The following RFX1 variants were observed in gnomAD, a reference collection of about 807,000 sequenced individuals.
The protein encoded by RFX1 is regulatory factor X1.
RFX1 carries 42 observed loss-of-function variants against 119.6 expected under a neutral mutation model. The observed-to-expected ratio is 0.35, with a 90% CI of 0.27 to 0.45. The LOEUF (loss-of-function observed/expected upper bound fraction) is 0.45. RFX1 is among the 20% of genes least tolerant of loss of function. The pLI, the probability that RFX1 is intolerant of heterozygous loss-of-function variation, is 1.00. For synonymous variants in RFX1, 628 were observed against 618.5 expected, an observed-to-expected ratio of 1.02 and a Z score of -0.23; for missense variants, 1,118 against 1,368.1, an observed-to-expected ratio of 0.82 and a Z score of 2.88.
chr19:13,977,962 T>A, intron 8 of RFX1, 30 bp downstream of exon 8: 1 of 1,552,166 alleles, frequency 6.4e-7, no homozygotes. Context: ...CAGACCTGAC[T>A]CCCTCACCCA....
In RFX1 at chr19:13,962,613, A is replaced by C; in HGVS notation, c.*82T>G. On this transcript the variant is annotated 3_prime_UTR_variant, in exon 21 of 21. Coordinates refer to ENST00000254325, the MANE Select transcript of RFX1 (RefSeq NM_002918.5). ...TCCCTGCCCTGGCTGAGGCTGGAGCAGTGACCACGAAGCCACAGAAGCTTT... is the reference window on the plus strand; with the variant it reads ...TCCCTGCCCTGGCTGAGGCTGGAGCCGTGACCACGAAGCCACAGAAGCTTT... 2.6e-6 allele frequency: 3 copies of C among 1,151,906 alleles called. No individual in the cohort carries two copies. Among genetic ancestry groups the C allele is most frequent in the Non-Finnish European group, 3.5e-6 (3 of 860,780 alleles). 71.4% of individuals were successfully genotyped at this position (1,151,906 alleles called of 1,614,324 possible).
chr19:13,977,769 A>T (rs1974293400), intron 8 of RFX1, among the ~76,000 whole-genome samples: 1 of 151,532 alleles, frequency 6.6e-6, no homozygotes, highest in Non-Finnish European at 1.5e-5. Flanking sequence ...CCAAGCCCTA[A>T]GCTATGCCGG....
intron 8 of RFX1, among the ~76,000 whole-genome samples, chr19:13,973,968 C>G (rs1345430859): frequency 6.6e-6 from 1 of 151,474 alleles, no homozygotes; most frequent in East Asian, 1.9e-4. Flanking sequence ...AAAAAAATAC[C>G]GAAGGGTTAG....
At position 13,986,300 on chromosome 19, in the gene RFX1, GGGGA is replaced by G. The variant is rs758132996; in HGVS notation, c.320-2709_320-2706del. Among the ~76,000 whole-genome samples the G allele has an allele frequency of 2.6e-5, 4 of 152,174 alleles. No individual in the cohort carries two copies. Among genetic ancestry groups the G allele is most frequent in the Non-Finnish European group, 4.4e-5 (3 of 68,004 alleles). On this transcript the variant is annotated intron_variant, in intron 2 of 20. Transcript: ENST00000254325. This position sits in a 1 kb window ranked among gnomAD's most constrained non-coding sequence, Gnocchi z 4.2. ...CAGGACCTACAGCAGGAGGAGGCCT[GGGGA>G]CCTGCTGAGACCAGGTGGCTGTCTC...
chr19:13,971,431 A>C (rs1030648796), intron 9 of RFX1, among the ~76,000 whole-genome samples: 2 of 151,942 alleles, frequency 1.3e-5, no homozygotes. Context: ...CCCACCCCAC[A>C]ATCACACAAA....
In RFX1 at chr19:13,961,651, G is replaced by T. The variant is rs1265271329; in HGVS notation, c.*1044C>A. On this transcript the variant is annotated 3_prime_UTR_variant, in exon 21 of 21. Coordinates refer to ENST00000254325, the MANE Select transcript of RFX1 (RefSeq NM_002918.5). ...TCACCACCGGGAGAGGGAGCCCCGT[G>T]GGCACGGGGACTGGGCAGGGCCGCC... 6.5e-6 allele frequency: 1 copy of T among 152,918 alleles called. No individual in the cohort carries two copies. Among genetic ancestry groups the T allele is most frequent in the Non-Finnish European group, 1.5e-5 (1 of 68,564 alleles). The allele number at this position is 152,918 out of a possible 1,614,324, so 9.5% of individuals were successfully genotyped here.
At position 13,962,345 on chromosome 19, in the gene RFX1, G is replaced by C. The variant is rs1257810525; in HGVS notation, c.*350C>G. On this transcript the variant is annotated 3_prime_UTR_variant, in exon 21 of 21. Transcript: ENST00000254325. Reference sequence around the variant, plus strand: ...ATAAGTTAACAGTTTCGCACGGGAGGGGGCCTGCCTGCCTGCCCCCTGGGG... The same window carrying C: ...ATAAGTTAACAGTTTCGCACGGGAGCGGGCCTGCCTGCCTGCCCCCTGGGG... 5 of 334,844 alleles carry C rather than the reference G, an allele frequency of 1.5e-5. No homozygotes were observed. The highest frequency in any genetic ancestry group is 2.8e-5 in the Non-Finnish European group (5 of 181,352). 20.7% of individuals were successfully genotyped at this position (334,844 alleles called of 1,614,324 possible).
chr19:13,974,405 C>G (rs1345227378), intron 8 of RFX1, among the ~76,000 whole-genome samples: 1 of 152,060 alleles, frequency 6.6e-6, no homozygotes, highest in East Asian at 1.9e-4. Flanking sequence ...CAAATCGTCA[C>G]AAGTATACAA....
At chr19:13,972,195 AACATT>A (rs1974105276) in intron 9 of RFX1, among the ~76,000 whole-genome samples, 1 of 146,988 alleles carries the variant, frequency 6.8e-6, no homozygotes, top group African/African-American at 2.7e-5. Flanking sequence ...AAAAGTAGAC[AACATT>A]TTTTTTTTTT....
At position 13,980,785 on chromosome 19, in the gene RFX1, G is replaced by C. The variant is rs556803806; in HGVS notation, c.622-96C>G. The C allele has an allele frequency of 1.2e-5, 5 of 428,178 alleles. No homozygotes were observed. The East Asian group carries it at 2.2e-4, about 19-fold the overall frequency. 26.5% of individuals were successfully genotyped at this position (428,178 alleles called of 1,614,324 possible). ...ACACCCTTCTCAGGAGAGCTGTCTG[G>C]GGAGGGCGGCAGTCTGTGGGGACCT... On this transcript the variant is annotated intron_variant, in intron 5 of 20. Transcript: ENST00000254325. This position sits in a 1 kb window ranked among gnomAD's most constrained non-coding sequence, Gnocchi z 5.1.
In RFX1 at chr19:13,965,879, G is replaced by A. The variant is rs1444278367; in HGVS notation, c.1962-102C>T. On this transcript the variant is annotated intron_variant, in intron 14 of 20. Coordinates refer to ENST00000254325, the MANE Select transcript of RFX1 (RefSeq NM_002918.5). This position sits in a 1 kb window ranked among gnomAD's most constrained non-coding sequence, Gnocchi z 4.7. Reference sequence around the variant, plus strand: ...CCCCTGTCCCTGACCCAGGGTCACTGGGGTACTCTGTGGTTCTACCCCCAG... The same window carrying A: ...CCCCTGTCCCTGACCCAGGGTCACTAGGGTACTCTGTGGTTCTACCCCCAG... 2 of 1,393,362 alleles carry A rather than the reference G, an allele frequency of 1.4e-6. No homozygotes were observed. Among genetic ancestry groups the A allele is most frequent in the Non-Finnish European group, 2.0e-6 (2 of 1,014,734 alleles). The allele number at this position is 1,393,362 out of a possible 1,614,324, so 86.3% of individuals were successfully genotyped here. A position where few individuals can be genotyped will look rare whatever the true frequency, so the allele number is the denominator to read the frequency against.
At chr19:13,977,079 G>A (rs959752051) in intron 8 of RFX1, among the ~76,000 whole-genome samples, 4 of 151,710 alleles carry the variant, frequency 2.6e-5, no homozygotes, top group African/African-American at 2.4e-5. Flanking sequence ...GGTGGATCAC[G>A]AGGTCAGGAA....
chr19:13,983,086 T>G (rs552629298), intron 4 of RFX1, 101 bp downstream of exon 4: 1 of 907,276 alleles, frequency 1.1e-6, no homozygotes, highest in South Asian at 1.6e-5. Flanking sequence ...TGGGGACTCT[T>G]CCCTCCATCC....
At position 13,966,584 on chromosome 19, in the gene RFX1, G is replaced by GGCCCT; in HGVS notation, c.1851+48_1851+49insAGGGC. On this transcript the variant is annotated intron_variant, in intron 13 of 20. Transcript: ENST00000254325. This position sits in a 1 kb window ranked among gnomAD's most constrained non-coding sequence, Gnocchi z 6.3. The stretch of plus-strand genomic sequence containing the variant: ...CTGGGGGGCAGCATGGCCCTCCCAT[G>GGCCCT]CCCGTGGCTGCGTCCCCGTCCACTT... 6.5e-7 allele frequency: 1 copy of GGCCCT among 1,534,274 alleles called. No homozygotes were observed. The highest frequency in any genetic ancestry group is 8.9e-7 in the Non-Finnish European group (1 of 1,126,112).
chr19:13,995,576 C>T (rs1568481936), intron 1 of RFX1, among the ~76,000 whole-genome samples: 1 of 152,178 alleles, frequency 6.6e-6, no homozygotes, highest in Admixed American at 6.5e-5. Flanking sequence ...CTTGGCCAAG[C>T]GCAGTGGCTC....
In RFX1 at chr19:13,963,961, G is replaced by T; in HGVS notation, c.2258C>A (p.Ser753Ter). The T allele has an allele frequency of 6.5e-7, 1 of 1,541,966 alleles. No homozygotes were observed. The highest frequency in any genetic ancestry group is 8.7e-7 in the Non-Finnish European group (1 of 1,147,290). ...CGCCGCCTGCGCCAGGTGGTTGAGCGACGTGTAGCGCCGCAGTGTCTGCGC... is the reference window on the plus strand; with the variant it reads ...CGCCGCCTGCGCCAGGTGGTTGAGCTACGTGTAGCGCCGCAGTGTCTGCGC... The part of the protein sequence containing the change: ...AFAQTLRRYT[S>*]LNHLAQAARA... Residue 753 changes from serine to a stop codon, truncating the protein, a stop_gained, in exon 17 of 21, where the codon TCG becomes TAG. Coordinates refer to ENST00000254325, the MANE Select transcript of RFX1 (RefSeq NM_002918.5). LOFTEE classifies it high-confidence loss of function.
chr19:13,983,099 GT>G, intron 4 of RFX1, 87 bp downstream of exon 4: 1 of 1,037,512 alleles, frequency 9.6e-7, no homozygotes, highest in South Asian at 1.4e-5. Flanking sequence ...CTCCATCCTG[GT>G]GAGGACAGAT....
intron 1 of RFX1, chr19:13,998,068 A>T (rs1211309166): frequency 6.6e-6 from 1 of 152,074 alleles, no homozygotes; most frequent in Non-Finnish European, 1.5e-5. Context: ...TCAGACCCTC[A>T]CCCACATGAA....
chr19:13,997,689 C>G (rs2145634520), intron 1 of RFX1, among the ~76,000 whole-genome samples: 1 of 152,344 alleles, frequency 6.6e-6, no homozygotes, highest in Non-Finnish European at 1.5e-5. Flanking sequence ...CTCCAGGACC[C>G]TCCTGGCTGG....
Sources: allele counts gnomAD v4.1 joint callset (sites outside exome capture counted in the v4.1 genomes callset), GRCh38; gene constraint gnomAD v4.1.1; non-coding constraint Gnocchi (gnomAD v3.1); transcripts MANE v1.5; gene names NCBI Gene and HGNC (gene_info 2026-07-23, HGNC 2026-07-21).